OCA2: variants seen among roughly 807,000 people sequenced by gnomAD.
The protein encoded by OCA2 is P protein.
OCA2 carries 77 observed loss-of-function variants against 100.2 expected under a neutral mutation model. The ratio of observed to expected loss-of-function variants is 0.77; its 90% CI spans 0.64 to 0.93. The LOEUF (loss-of-function observed/expected upper bound fraction) is 0.93, where lower values mean the gene tolerates loss of function less well. OCA2 is among the 40% of genes least tolerant of loss of function. The pLI is 0.00. For synonymous variants in OCA2, 432 were observed against 439.2 expected (o/e 0.98, Z 0.21); for missense variants, 1,062 against 1,089.1 (o/e 0.98, Z 0.35).
At chr15:28,078,950 C>G (rs1016977963) in intron 2 of OCA2, among the ~76,000 whole-genome samples, 1 of 152,158 alleles carries the variant, frequency 6.6e-6, no homozygotes, top group African/African-American at 2.4e-5. Flanking sequence ...AGAAATTGCA[C>G]CTGAGCTGCC....
At chr15:27,945,668 A>G (rs1220526332) in intron 18 of OCA2, among the ~76,000 whole-genome samples, 3 of 152,218 alleles carry the variant, frequency 2.0e-5, no homozygotes, top group African/African-American at 4.8e-5. Context: ...CAACAATAAA[A>G]TTGCTCAACC....
intron 7 of OCA2, among the ~76,000 whole-genome samples, chr15:28,017,136 G>C (rs114461254): frequency 6.6e-6 from 1 of 152,130 alleles, no homozygotes; most frequent in Non-Finnish European, 1.5e-5. Context: ...CTGAAAATAG[G>C]ATCTCTGAAA....
chr15:28,050,433 C>T (rs929538394), intron 2 of OCA2, among the ~76,000 whole-genome samples: 5 of 151,704 alleles, frequency 3.3e-5, no homozygotes, highest in East Asian at 1.9e-4. Flanking sequence ...TAGTGGCAGG[C>T]GTCTGTAATC....
At chr15:27,846,199 C>T (rs552171628) in intron 22 of OCA2, among the ~76,000 whole-genome samples, 5 of 152,224 alleles carry the variant, frequency 3.3e-5, no homozygotes, top group African/African-American at 9.6e-5. Flanking sequence ...GTTGCACCAA[C>T]GGTTCCATCC....
chr15:27,808,686 C>T (rs2033956101), intron 23 of OCA2, among the ~76,000 whole-genome samples: 1 of 152,104 alleles, frequency 6.6e-6, no homozygotes, highest in African/African-American at 2.4e-5. Flanking sequence ...GGGTAGGGAG[C>T]ACTGCGCACT....
intron 19 of OCA2, among the ~76,000 whole-genome samples, chr15:27,910,490 G>A (rs1233459562): frequency 1.3e-5 from 2 of 152,086 alleles, no homozygotes; most frequent in African/African-American, 4.8e-5. Context: ...GTACTATATA[G>A]TTATAAAAAA....
At chr15:27,937,543 G>A (rs1051565321) in intron 18 of OCA2, among the ~76,000 whole-genome samples, 2 of 152,176 alleles carry the variant, frequency 1.3e-5, no homozygotes, top group Non-Finnish European at 2.9e-5. Context: ...ACTTCCTACT[G>A]CTCCACAATC....
chr15:27,877,110 TC>T (rs2036822712), intron 19 of OCA2, among the ~76,000 whole-genome samples: 1 of 151,950 alleles, frequency 6.6e-6, no homozygotes, highest in Admixed American at 6.6e-5. Context: ...ATTATCTTAT[TC>T]CCTTGTGATT....
intron 1 of OCA2, among the ~76,000 whole-genome samples, chr15:28,086,966 T>C (rs1478483337): frequency 6.6e-6 from 1 of 152,202 alleles, no homozygotes; most frequent in Admixed American, 6.5e-5. Context: ...AACTTTCATA[T>C]AATCCAAATG....
intron 19 of OCA2, among the ~76,000 whole-genome samples, chr15:27,899,861 G>C (rs1305597289): frequency 6.6e-6 from 1 of 152,184 alleles, no homozygotes; most frequent in Non-Finnish European, 1.5e-5. Flanking sequence ...ACTGGTGTGG[G>C]AAACAAAGGA....
At chr15:28,021,808 A>AG (rs1025351163) in intron 6 of OCA2, among the ~76,000 whole-genome samples, 1 of 152,172 alleles carries the variant, frequency 6.6e-6, no homozygotes, top group East Asian at 1.9e-4. Context: ...AGAAGGTAGG[A>AG]GGGGAAAAAG....
At chr15:27,844,264 C>G (rs896963173) in intron 23 of OCA2, among the ~76,000 whole-genome samples, 1 of 152,192 alleles carries the variant, frequency 6.6e-6, no homozygotes, top group African/African-American at 2.4e-5. Flanking sequence ...GAGAGGGACG[C>G]CACTGCCAGG....
intron 23 of OCA2, among the ~76,000 whole-genome samples, chr15:27,771,597 G>T (rs911762261): frequency 6.6e-6 from 1 of 152,178 alleles, no homozygotes; most frequent in East Asian, 1.9e-4. Context: ...GAGAATGGGC[G>T]TGGGAGATCC....
At chr15:27,945,527 T>C (rs1438197971) in intron 18 of OCA2, among the ~76,000 whole-genome samples, 1 of 152,190 alleles carries the variant, frequency 6.6e-6, no homozygotes, top group Non-Finnish European at 1.5e-5. Context: ...TCCTCCTTCC[T>C]GAGCCTGCCC....
At chr15:27,878,150 T>C (rs573841197) in intron 19 of OCA2, among the ~76,000 whole-genome samples, 12 of 152,180 alleles carry the variant, frequency 7.9e-5, no homozygotes, top group African/African-American at 2.6e-4. Context: ...CCCTTTCCTC[T>C]TATGGTATAG....
chr15:28,074,796 G>A (rs115295957), intron 2 of OCA2, among the ~76,000 whole-genome samples: 5,919 of 152,088 alleles, frequency 0.039, 393 homozygotes, highest in African/African-American at 0.13. Context: ...GCAGTAAGCC[G>A]AGATAACACC....
At chr15:28,093,825 A>T (rs923517032) in intron 1 of OCA2, among the ~76,000 whole-genome samples, 6 of 152,190 alleles carry the variant, frequency 3.9e-5, no homozygotes, top group Admixed American at 3.9e-4. Flanking sequence ...CCTCAGTGAA[A>T]AAAAGCAAGT....
chr15:27,985,287 T>A, intron 12 of OCA2, 99 bp from the exon 13 acceptor site: 11 of 1,405,510 alleles, frequency 7.8e-6, no homozygotes, highest in Non-Finnish European at 1.1e-5. Context: ...GGAGCCAAAC[T>A]AACATTACCC....
At chr15:28,051,595 C>CTTTTT (rs11292828) in intron 2 of OCA2, among the ~76,000 whole-genome samples, 14 of 82,482 alleles carry the variant, frequency 1.7e-4, no homozygotes, top group African/African-American at 1.0e-3. Flanking sequence ...CCTGGCCTTC[C>CTTTTT]TTTTTTTTTT....
Sources: allele counts gnomAD v4.1 joint callset (sites outside exome capture counted in the v4.1 genomes callset), GRCh38; gene constraint gnomAD v4.1.1; transcripts MANE v1.5; gene names NCBI Gene and HGNC (gene_info 2026-07-23, HGNC 2026-07-21).